The following ACSM2B variants were observed in gnomAD, a reference collection of about 807,000 sequenced individuals.
ACSM2B encodes the protein acyl-coenzyme A synthetase ACSM2B, mitochondrial.
In ACSM2B, 58 loss-of-function variants were observed where a neutral mutation model predicts 78.6. The ratio of observed to expected loss-of-function variants is 0.74; its 90% CI spans 0.60 to 0.92. ACSM2B has a LOEUF of 0.92. ACSM2B is among the 40% of genes least tolerant of loss of function. The probability of loss-of-function intolerance (pLI) is 0.00; values close to 1 mark genes in which losing one functional copy is unlikely to be tolerated. For synonymous variants in ACSM2B, 257 were observed against 256.8 expected, an observed-to-expected ratio of 1.00 and a Z score of -0.01; for missense variants, 688 against 711.2, an observed-to-expected ratio of 0.97 and a Z score of 0.37.
At chr16:20,542,610 A>G in intron 12 of ACSM2B, 1 of 370,558 alleles carries the variant, frequency 2.7e-6, no homozygotes, top group Non-Finnish European at 4.9e-6. Context: ...CTTTGGATAA[A>G]TACCCAGTAG....
chr16:20,564,505 C>G (rs1315221271), intron 2 of ACSM2B, among the ~76,000 whole-genome samples, 164 bp downstream of exon 2: 2 of 152,176 alleles, frequency 1.3e-5, no homozygotes, highest in Admixed American at 1.3e-4. Context: ...CATGCTGTCT[C>G]TTTCCCATAC....
intron 6 of ACSM2B, chr16:20,549,724 A>T (rs2015245451): frequency 2.3e-6 from 1 of 442,486 alleles, no homozygotes; most frequent in Non-Finnish European, 4.5e-6. Context: ...CTTTGGTTTT[A>T]TACATTTTAG....
Position 20,537,334 on chromosome 16 carries a change from G to A in ACSM2B, c.1658C>T (p.Thr553Ile), listed in dbSNP as rs1482105927. ...KIEFVLNLPK[T>I]VTGKIQRTKL... ...GGTTCGTTGAATTTTCCCTGTGACA[G>A]TCTTGGGCAGGTTCAAGACAAACTC... The change falls in exon 14 of 14, where the codon ACT becomes ATT. Residue 553 changes from threonine to isoleucine, a missense_variant. Transcript: ENST00000329697. 16 of 1,613,912 alleles carry A rather than the reference G, an allele frequency of 9.9e-6. No homozygotes were observed. Among genetic ancestry groups the A allele is most frequent in the Non-Finnish European group, 1.4e-5 (16 of 1,179,916 alleles).
At chr16:20,568,583 C>A (rs1371226642) in intron 1 of ACSM2B, among the ~76,000 whole-genome samples, 1 of 151,318 alleles carries the variant, frequency 6.6e-6, no homozygotes, top group Admixed American at 6.6e-5. Flanking sequence ...TTGGTAGATA[C>A]CCAGTAGTGG....
intron 13 of ACSM2B, among the ~76,000 whole-genome samples, chr16:20,538,722 G>A (rs113956707): frequency 8.5e-5 from 13 of 152,202 alleles, no homozygotes; most frequent in African/African-American, 2.6e-4. Context: ...ACAATATTCA[G>A]TTATACTTAA....
In ACSM2B at chr16:20,545,113, C is replaced by T. The variant is rs757959957; in HGVS notation, c.1281+44G>A. 3.8e-6 allele frequency: 6 copies of T among 1,585,212 alleles called. No homozygotes were observed. In the South Asian group the frequency reaches 4.6e-5, roughly 12 times the overall value. On this transcript the variant is annotated intron_variant, in intron 10 of 13. Transcript: ENST00000329697. ...TCCTCCCTCATCCCGTTTAGTGCTC[C>T]CATCCTCACTGGGGAACAGAGGAGG...
At chr16:20,568,021 G>A (rs1473860705) in intron 1 of ACSM2B, among the ~76,000 whole-genome samples, 2 of 142,744 alleles carry the variant, frequency 1.4e-5, no homozygotes, top group East Asian at 4.0e-4. Flanking sequence ...TACATAATAT[G>A]TATTGCTACA....
chr16:20,558,997 T>C (rs1359195429), intron 3 of ACSM2B, among the ~76,000 whole-genome samples: 1 of 152,228 alleles, frequency 6.6e-6, no homozygotes, highest in African/African-American at 2.4e-5. Flanking sequence ...AAGAGCTTTC[T>C]CCAAAGTTCT....
At chr16:20,552,552 G>T (rs1277606541) in intron 5 of ACSM2B, among the ~76,000 whole-genome samples, 2 of 152,094 alleles carry the variant, frequency 1.3e-5, no homozygotes, top group Non-Finnish European at 1.5e-5. Flanking sequence ...ATATAATTGG[G>T]TCTCATTCTC....
chr16:20,564,915 A>T, intron 1 of ACSM2B, 62 bp from the exon 2 acceptor site: 3 of 1,529,910 alleles, frequency 2.0e-6, no homozygotes, highest in Non-Finnish European at 8.8e-7. Context: ...ACTGATCATC[A>T]GCGGCTTCAG....
At chr16:20,552,637 A>G (rs8050041) in intron 5 of ACSM2B, among the ~76,000 whole-genome samples, 145,410 of 152,242 alleles carry the variant, frequency 0.96, 69,488 homozygotes, top group East Asian at 1. Flanking sequence ...CTAACACAAG[A>G]CATCTGCATG....
intron 2 of ACSM2B, among the ~76,000 whole-genome samples, chr16:20,560,055 G>A (rs531226991): frequency 1.7e-4 from 26 of 150,904 alleles, no homozygotes; most frequent in South Asian, 1.3e-3. Context: ...TGAGTGTACA[G>A]TTCAGTGGCA....
At position 20,542,936 on chromosome 16, in the gene ACSM2B, C is replaced by T; in HGVS notation, c.1487G>A (p.Ser496Asn). 1.9e-6 allele frequency: 3 copies of T among 1,613,768 alleles called. No homozygotes were observed. Among genetic ancestry groups the T allele is most frequent in the Non-Finnish European group, 2.5e-6 (3 of 1,179,860 alleles). The change falls in exon 12 of 14, where the codon AGC becomes AAC. Residue 496 changes from serine to asparagine, a missense_variant. Transcript: ENST00000329697. The part of the protein sequence containing the change: ...PAVVETAVIS[S>N]PDPVRGEVVK... ...CACCTCTCCTCGGACGGGGTCTGGG[C>T]TGCTGATCACAGCCGTCTCAACCAC...
intron 3 of ACSM2B, among the ~76,000 whole-genome samples, chr16:20,557,293 C>A (rs1374998454): frequency 6.6e-6 from 1 of 152,156 alleles, no homozygotes; most frequent in Admixed American, 6.5e-5. Context: ...CATACCCATA[C>A]CTCTTTCTAT....
intron 1 of ACSM2B, among the ~76,000 whole-genome samples, chr16:20,569,819 C>T (rs2016045994): frequency 6.6e-6 from 1 of 151,372 alleles, no homozygotes; most frequent in Admixed American, 6.6e-5. Context: ...TTTTTTGCAG[C>T]TATTATAAAA....
chr16:20,545,550 A>G (rs1378986783), intron 9 of ACSM2B, among the ~76,000 whole-genome samples: 1 of 152,112 alleles, frequency 6.6e-6, no homozygotes, highest in Non-Finnish European at 1.5e-5. Flanking sequence ...TTTGAGACCT[A>G]CCTCACCTGT....
In ACSM2B at chr16:20,541,076, A is replaced by G. The variant is rs533591672; in HGVS notation, c.1510-303T>C. 14 of 217,624 alleles carry G rather than the reference A, an allele frequency of 6.4e-5. No homozygotes were observed. In the East Asian group the frequency reaches 1.3e-3, roughly 20 times the overall value. 13.5% of individuals were successfully genotyped at this position (217,624 alleles called of 1,614,324 possible). On this transcript the variant is annotated intron_variant, in intron 12 of 13. Coordinates refer to ENST00000329697, the MANE Select transcript of ACSM2B (RefSeq NM_001105069.2). ...GGGGAGAAAAGAGAAAAATAGACTG[A>G]AAACCATAACCCTAAACAATGTGTT... is the stretch of plus-strand genomic sequence containing the variant.
At chr16:20,550,268 A>G (rs548528119) in intron 6 of ACSM2B, among the ~76,000 whole-genome samples, 99 of 152,292 alleles carry the variant, frequency 6.5e-4, no homozygotes, top group African/African-American at 2.3e-3. Flanking sequence ...AGAAAAAATG[A>G]CAAATGTGAG....
intron 12 of ACSM2B, chr16:20,542,062 T>A (rs1208343765): frequency 2.0e-4 from 31 of 152,052 alleles, no homozygotes; most frequent in Non-Finnish European, 3.5e-4. Flanking sequence ...ATACTTGGGG[T>A]GTCCATCACC....
Sources: allele counts gnomAD v4.1 joint callset (sites outside exome capture counted in the v4.1 genomes callset), GRCh38; gene constraint gnomAD v4.1.1; transcripts MANE v1.5; gene names NCBI Gene and HGNC (gene_info 2026-07-23, HGNC 2026-07-21).